ZBTB7C: variants seen among roughly 807,000 people sequenced by gnomAD.
ZBTB7C encodes the protein zinc finger and BTB domain-containing protein 7C.
A neutral mutation model predicts 25.7 loss-of-function variants in ZBTB7C; 8 were observed. That is an observed-to-expected ratio of 0.31 (90% CI 0.18 to 0.56). The LOEUF (loss-of-function observed/expected upper bound fraction) is 0.56, where lower values mean the gene tolerates loss of function less well. ZBTB7C is among the 20% of genes least tolerant of loss of function. The pLI, the probability that ZBTB7C is intolerant of heterozygous loss-of-function variation, is 0.91. For synonymous variants in ZBTB7C, 394 were observed against 369.0 expected, an observed-to-expected ratio of 1.07 and a Z score of -0.78; for missense variants, 824 against 855.2, an observed-to-expected ratio of 0.96 and a Z score of 0.46.
intron 3 of ZBTB7C, among the ~76,000 whole-genome samples, chr18:48,126,709 A>G (rs981449215): frequency 1.3e-5 from 2 of 152,026 alleles, no homozygotes; most frequent in African/African-American, 4.8e-5. Context: ...GAAAGGGGGG[A>G]GGACCAGAGC....
At chr18:48,114,587 A>T (rs1012110407) in intron 3 of ZBTB7C, among the ~76,000 whole-genome samples, 1 of 152,100 alleles carries the variant, frequency 6.6e-6, no homozygotes, top group Non-Finnish European at 1.5e-5. Flanking sequence ...GGCAACAGAG[A>T]AAAACTCTGT....
At chr18:48,153,784 G>A (rs1464323806) in intron 3 of ZBTB7C, among the ~76,000 whole-genome samples, 1 of 152,222 alleles carries the variant, frequency 6.6e-6, no homozygotes, top group Non-Finnish European at 1.5e-5. Context: ...TGAGGTCAAA[G>A]CTCCTGGCCT....
intron 4 of ZBTB7C, among the ~76,000 whole-genome samples, chr18:48,039,475 C>A (rs984625011): frequency 3.3e-5 from 5 of 152,210 alleles, no homozygotes; most frequent in Admixed American, 1.3e-4. Flanking sequence ...CCCTGGCATG[C>A]AGAATATGCT....
At chr18:48,217,316 C>A (rs2042847528) in intron 2 of ZBTB7C, among the ~76,000 whole-genome samples, 2 of 152,186 alleles carry the variant, frequency 1.3e-5, no homozygotes, top group Non-Finnish European at 2.9e-5. Context: ...CCTTCCTGTC[C>A]CCAAGAAGCC....
chr18:48,267,898 A>G (rs2044358315), intron 2 of ZBTB7C, among the ~76,000 whole-genome samples: 1 of 152,164 alleles, frequency 6.6e-6, no homozygotes, highest in Non-Finnish European at 1.5e-5. Flanking sequence ...TAAGAAACTA[A>G]TGTCTTTTGT....
intron 2 of ZBTB7C, among the ~76,000 whole-genome samples, chr18:48,272,047 T>C (rs367544561): frequency 3.9e-5 from 6 of 152,328 alleles, no homozygotes; most frequent in African/African-American, 1.4e-4. Context: ...TTGCTCATGA[T>C]GCACCTCATG....
chr18:48,128,092 A>G (rs987832703), intron 3 of ZBTB7C, among the ~76,000 whole-genome samples: 6 of 152,198 alleles, frequency 3.9e-5, no homozygotes, highest in African/African-American at 1.4e-4. Flanking sequence ...ACAGGCCTAC[A>G]GGAAATCACT....
chr18:48,119,828 G>A (rs1159983316), intron 3 of ZBTB7C, among the ~76,000 whole-genome samples: 1 of 152,178 alleles, frequency 6.6e-6, no homozygotes, highest in African/African-American at 2.4e-5. Context: ...CAGCCCTCCA[G>A]AGAAAATGAA....
intron 2 of ZBTB7C, among the ~76,000 whole-genome samples, chr18:48,243,862 A>G (rs1278519561): frequency 6.6e-6 from 1 of 152,218 alleles, no homozygotes; most frequent in South Asian, 2.1e-4. Flanking sequence ...GAAACCAGGA[A>G]TAAAGCCACA....
In ZBTB7C at chr18:48,110,012, C is replaced by T. The variant is rs542918808; in HGVS notation, c.-16-68889G>A. On this transcript the variant is annotated intron_variant, in intron 3 of 4. Transcript: ENST00000590800. ...ATAGAGAGGTGGAGTGACTTAACCA[C>T]AGGCCCATAGGCAGATAGGGAGTGG... Among the ~76,000 whole-genome samples the T allele has an allele frequency of 2.6e-5, 4 of 152,166 alleles. No individual in the cohort carries two copies. The South Asian group carries it at 8.3e-4, about 32-fold the overall frequency.
At chr18:48,138,697 G>A (rs560789203) in intron 3 of ZBTB7C, among the ~76,000 whole-genome samples, 1 of 152,292 alleles carries the variant, frequency 6.6e-6, no homozygotes, top group African/African-American at 2.4e-5. Flanking sequence ...TGACTCCATA[G>A]CTTTTTATCA....
intron 2 of ZBTB7C, among the ~76,000 whole-genome samples, chr18:48,272,036 A>C (rs994432757): frequency 6.6e-6 from 1 of 152,216 alleles, no homozygotes; most frequent in Non-Finnish European, 1.5e-5. Flanking sequence ...AAATGATATC[A>C]TTGCTCATGA....
At chr18:48,056,085 T>C (rs1458859174) in intron 3 of ZBTB7C, among the ~76,000 whole-genome samples, 2 of 152,206 alleles carry the variant, frequency 1.3e-5, no homozygotes, top group African/African-American at 2.4e-5. Flanking sequence ...TACTTTCCTA[T>C]ACAAATAACA....
intron 2 of ZBTB7C, among the ~76,000 whole-genome samples, chr18:48,281,267 C>G (rs891098703): frequency 1.3e-5 from 2 of 152,068 alleles, no homozygotes; most frequent in East Asian, 3.8e-4. Context: ...ATGGAGAAAG[C>G]TGAAACTGGA....
intron 3 of ZBTB7C, among the ~76,000 whole-genome samples, chr18:48,176,615 A>ATGTG (rs1224051665): frequency 5.9e-5 from 3 of 51,214 alleles, no homozygotes; most frequent in African/African-American, 2.4e-4. Context: ...CAGGAAATAC[A>ATGTG]CGTGTGTGTG....
intron 2 of ZBTB7C, among the ~76,000 whole-genome samples, chr18:48,280,006 G>A (rs1475735729): frequency 6.6e-6 from 1 of 152,178 alleles, no homozygotes; most frequent in Non-Finnish European, 1.5e-5. Context: ...TTTTTATTGA[G>A]CATCTACTAT....
chr18:48,070,926 A>C (rs1352392362), intron 3 of ZBTB7C, among the ~76,000 whole-genome samples: 1 of 152,120 alleles, frequency 6.6e-6, no homozygotes, highest in Non-Finnish European at 1.5e-5. Flanking sequence ...AAGCAGTAAA[A>C]ATTCCCATCA....
intron 2 of ZBTB7C, among the ~76,000 whole-genome samples, chr18:48,300,757 G>T (rs567444001): frequency 2.0e-5 from 3 of 152,370 alleles, no homozygotes; most frequent in East Asian, 3.9e-4. Context: ...GACATGCCTG[G>T]AACATGGCTG....
At chr18:48,166,802 T>C (rs8097448) in intron 3 of ZBTB7C, among the ~76,000 whole-genome samples, 108,738 of 152,068 alleles carry the variant, frequency 0.72, 39,354 homozygotes, top group African/African-American at 0.81. Flanking sequence ...TGCTGAAGTG[T>C]GCCTGGAAGC....
Sources: allele counts gnomAD v4.1 joint callset (sites outside exome capture counted in the v4.1 genomes callset), GRCh38; gene constraint gnomAD v4.1.1; transcripts MANE v1.5; gene names NCBI Gene and HGNC (gene_info 2026-07-23, HGNC 2026-07-21).